AK8: variants seen among roughly 807,000 people sequenced by gnomAD.
AK8 encodes adenylate kinase 8, also known as ATP-AMP transphosphorylase 8.
In AK8, 44 loss-of-function variants were observed where a neutral mutation model predicts 54.6. That is an observed-to-expected ratio of 0.81 (90% CI 0.63 to 1.04). The LOEUF is 1.04. Ranked by LOEUF, AK8 falls within the 50% of genes least tolerant of loss-of-function variation. AK8 has a pLI of 0.00. For synonymous variants in AK8, 239 were observed against 245.6 expected (o/e 0.97, Z 0.25); for missense variants, 555 against 613.6 (o/e 0.90, Z 1.01).
chr9:132,863,126 C>T (rs970822951), intron 4 of AK8, among the ~76,000 whole-genome samples: 3 of 152,254 alleles, frequency 2.0e-5, no homozygotes, highest in Admixed American at 6.5e-5. Flanking sequence ...TGCTCCCCAG[C>T]GTGTGTGGGA....
intron 2 of AK8, among the ~76,000 whole-genome samples, chr9:132,867,499 G>C (rs1310928518): frequency 6.6e-6 from 1 of 152,244 alleles, no homozygotes; most frequent in African/African-American, 2.4e-5. Context: ...CTGGCACCTT[G>C]TTTGATTTTA....
At chr9:132,873,109 A>T (rs940890415) in intron 2 of AK8, among the ~76,000 whole-genome samples, 2 of 152,204 alleles carry the variant, frequency 1.3e-5, no homozygotes, top group Non-Finnish European at 2.9e-5. Flanking sequence ...CACCGCACCC[A>T]GCCAATTTTC....
intron 5 of AK8, among the ~76,000 whole-genome samples, chr9:132,830,374 A>G (rs1357428501): frequency 6.6e-6 from 1 of 152,170 alleles, no homozygotes; most frequent in Non-Finnish European, 1.5e-5. Context: ...AAAATGGCCC[A>G]CTAGTTTATG....
intron 5 of AK8, among the ~76,000 whole-genome samples, chr9:132,838,235 T>G (rs1461166270): frequency 2.9e-5 from 4 of 138,834 alleles, no homozygotes; most frequent in African/African-American, 9.9e-5. Flanking sequence ...AGCATAAATC[T>G]AAGACCAAAG....
intron 11 of AK8, among the ~76,000 whole-genome samples, chr9:132,738,861 C>T (rs1254021435): frequency 6.7e-6 from 1 of 149,436 alleles, no homozygotes; most frequent in Non-Finnish European, 1.5e-5. Flanking sequence ...CTCAAGTGAT[C>T]CTTCCATTTC....
intron 10 of AK8, among the ~76,000 whole-genome samples, chr9:132,804,846 C>T (rs1033406289): frequency 3.9e-5 from 6 of 152,154 alleles, no homozygotes; most frequent in Non-Finnish European, 7.4e-5. Flanking sequence ...AGTGTAGAGG[C>T]TGCAGAGGGT....
chr9:132,843,451 C>G (rs1395699485), intron 5 of AK8, among the ~76,000 whole-genome samples: 1 of 152,184 alleles, frequency 6.6e-6, no homozygotes, highest in Admixed American at 6.5e-5. Context: ...AATTAAACCT[C>G]ATTTCTTTAT....
At chr9:132,797,614 C>T (rs1367013714) in intron 10 of AK8, among the ~76,000 whole-genome samples, 1 of 152,120 alleles carries the variant, frequency 6.6e-6, no homozygotes, top group Non-Finnish European at 1.5e-5. Context: ...TGGCCACAAG[C>T]ACGTGAGGTT....
intron 11 of AK8, among the ~76,000 whole-genome samples, chr9:132,750,973 G>C (rs1471289117): frequency 1.3e-5 from 2 of 152,010 alleles, no homozygotes; most frequent in Non-Finnish European, 2.9e-5. Context: ...CTGTTTATCT[G>C]GGTTATGCTC....
At position 132,750,401 on chromosome 9, in the gene AK8, G is replaced by A. The variant is rs1837859743; in HGVS notation, c.1122-22867C>T. 1.3e-5 allele frequency among the ~76,000 whole-genome samples: 2 copies of A among 151,886 alleles called. 1 individual carries two copies. Among genetic ancestry groups the A allele is most frequent in the African/African-American group, 4.8e-5 (2 of 41,408 alleles). On this transcript the variant is annotated intron_variant, in intron 11 of 12. Transcript: ENST00000298545. The stretch of plus-strand genomic sequence containing the variant: ...CTCAAACTGCTGGGATTACAGGTGT[G>A]AGCCACCGCGCCCGGCTCCTCTTCA...
intron 11 of AK8, among the ~76,000 whole-genome samples, chr9:132,774,710 C>T (rs538657802): frequency 6.6e-6 from 1 of 152,186 alleles, no homozygotes; most frequent in Non-Finnish European, 1.5e-5. Context: ...GCGTCTCCAT[C>T]AGAGCTCGAT....
At chr9:132,840,691 G>A (rs113793600) in intron 5 of AK8, among the ~76,000 whole-genome samples, 1,894 of 152,230 alleles carry the variant, frequency 0.012, 13 homozygotes, top group Non-Finnish European at 0.021. Flanking sequence ...TCAGGAGATC[G>A]AGACCAGCCT....
chr9:132,850,053 C>CTT (rs1842910101), intron 5 of AK8, among the ~76,000 whole-genome samples: 3 of 131,634 alleles, frequency 2.3e-5, no homozygotes, highest in South Asian at 2.4e-4. Flanking sequence ...AACCCTAGTA[C>CTT]ATTTTTTTTT....
upstream of AK8, chr9:132,878,384 C>T (rs956096539): frequency 1.1e-5 from 14 of 1,244,014 alleles, no homozygotes; most frequent in Admixed American, 4.2e-5. This position sits in a 1 kb window ranked among gnomAD's most constrained non-coding sequence, Gnocchi z 4.7. Context: ...GATCCTCGGT[C>T]GCGCGGGTCG....
At chr9:132,732,292 C>A (rs1564370838) in intron 11 of AK8, among the ~76,000 whole-genome samples, 1 of 151,970 alleles carries the variant, frequency 6.6e-6, no homozygotes, top group East Asian at 1.9e-4. Context: ...GATTTCTGAC[C>A]TTTCAGGGTT....
At position 132,758,476 on chromosome 9, in the gene AK8, G is replaced by T. The variant is rs558624689; in HGVS notation, c.1122-30942C>A. The stretch of plus-strand genomic sequence containing the variant: ...GTTTGTTTATGTTTTTTGAGACAGG[G>T]TCTGGCTCTGTCACCCAGGCTGGAG... On this transcript the variant is annotated intron_variant, in intron 11 of 12. Transcript: ENST00000298545. 2.6e-5 allele frequency among the ~76,000 whole-genome samples: 4 copies of T among 152,156 alleles called. No homozygotes were observed. In the East Asian group the frequency reaches 5.8e-4, roughly 22 times the overall value.
At chr9:132,839,305 T>A (rs1448015833) in intron 5 of AK8, among the ~76,000 whole-genome samples, 1 of 152,204 alleles carries the variant, frequency 6.6e-6, no homozygotes, top group African/African-American at 2.4e-5. Flanking sequence ...TTGGCTTAGT[T>A]CTGGCCTTCA....
At chr9:132,867,039 C>A in intron 2 of AK8, 86 bp from the exon 3 acceptor site, 1 of 1,305,544 alleles carries the variant, frequency 7.7e-7, no homozygotes, top group Non-Finnish European at 1.1e-6. Context: ...ACTTATTTCT[C>A]CCTCCCTAGA....
At chr9:132,752,891 C>T (rs1349424346) in intron 11 of AK8, among the ~76,000 whole-genome samples, 2 of 152,198 alleles carry the variant, frequency 1.3e-5, no homozygotes, top group African/African-American at 2.4e-5. Context: ...TTTAATCCCA[C>T]ATAAAGCACT....
Sources: gnomAD v4.1 joint callset for allele counts (sites outside exome capture counted in the v4.1 genomes callset) on GRCh38, gnomAD v4.1.1 for gene constraint, Gnocchi (gnomAD v3.1) non-coding constraint, MANE v1.5 for transcripts, NCBI Gene and HGNC (gene_info 2026-07-23, HGNC 2026-07-21) for gene names.